The following ZDHHC14 variants were observed in gnomAD, a reference collection of about 807,000 sequenced individuals.
ZDHHC14 encodes palmitoyltransferase ZDHHC14.
Under a neutral mutation model 47.7 loss-of-function variants are expected in ZDHHC14, and 16 were observed. The ratio of observed to expected loss-of-function variants is 0.34; its 90% CI spans 0.23 to 0.51. The LOEUF is 0.51. ZDHHC14 is among the 20% of genes least tolerant of loss of function. The pLI is 0.97. For missense variants in ZDHHC14, 515 were observed against 662.5 expected (o/e 0.78, Z 2.44); for synonymous variants, 293 against 278.9 (o/e 1.05, Z -0.50).
At chr6:157,660,615 C>T (rs1778309214) in intron 8 of ZDHHC14, among the ~76,000 whole-genome samples, 1 of 152,216 alleles carries the variant, frequency 6.6e-6, no homozygotes, top group South Asian at 2.1e-4. Flanking sequence ...CAATCTGTCG[C>T]TCCTCAGCCC....
At chr6:157,571,647 C>T (rs1442258832) in intron 2 of ZDHHC14, among the ~76,000 whole-genome samples, 1 of 152,074 alleles carries the variant, frequency 6.6e-6, no homozygotes, top group Admixed American at 6.6e-5. Context: ...GAAATGCAGC[C>T]TTGGGGTTCA....
At chr6:157,418,291 A>C (rs1481429595) in intron 1 of ZDHHC14, among the ~76,000 whole-genome samples, 3 of 149,834 alleles carry the variant, frequency 2.0e-5, no homozygotes, top group Non-Finnish European at 1.5e-5. Context: ...TGCAAATGGA[A>C]TTGCTGGGTC....
chr6:157,626,904 C>T (rs1000877229), intron 3 of ZDHHC14, among the ~76,000 whole-genome samples: 6 of 130,766 alleles, frequency 4.6e-5, no homozygotes, highest in South Asian at 2.9e-4. Context: ...GGGGGGGCGG[C>T]GGGGGCAGCA....
chr6:157,475,202 G>C (rs1779451898), intron 1 of ZDHHC14, among the ~76,000 whole-genome samples: 2 of 152,008 alleles, frequency 1.3e-5, no homozygotes, highest in Admixed American at 1.3e-4. Flanking sequence ...GTGTGTGTTT[G>C]TTTCTGGGCT....
intron 1 of ZDHHC14, among the ~76,000 whole-genome samples, chr6:157,496,692 A>G (rs375324049): frequency 3.0e-4 from 46 of 152,290 alleles, no homozygotes; most frequent in African/African-American, 9.6e-4. Flanking sequence ...ACCCTCCCCT[A>G]CAGTTTAAGA....
Position 157,645,847 on chromosome 6 carries a change from C to G in ZDHHC14, c.855+8C>G. 1.2e-6 allele frequency: 2 copies of G among 1,612,700 alleles called. No individual in the cohort carries two copies. Among genetic ancestry groups the G allele is most frequent in the Middle Eastern group, 1.7e-4 (1 of 6,058 alleles). ...CAGACAACAAATGAGGACGTAAGTT[C>G]CTGACCACACGGGACACGGGCGTGT... On this transcript the variant is annotated splice_region_variant and intron_variant, in intron 6 of 8. Coordinates refer to ENST00000359775, the MANE Select transcript of ZDHHC14 (RefSeq NM_024630.3).
intron 8 of ZDHHC14, among the ~76,000 whole-genome samples, chr6:157,659,856 G>A (rs1466537075): frequency 6.6e-6 from 1 of 152,142 alleles, no homozygotes; most frequent in African/African-American, 2.4e-5. Flanking sequence ...TAGACAGATG[G>A]GAAAACAAAT....
intron 1 of ZDHHC14, among the ~76,000 whole-genome samples, chr6:157,383,192 T>C (rs925625664): frequency 7.2e-5 from 11 of 152,238 alleles, no homozygotes; most frequent in African/African-American, 2.7e-4. Context: ...CCAATCAATT[T>C]TGGTTGCTTT....
intron 1 of ZDHHC14, among the ~76,000 whole-genome samples, chr6:157,384,912 G>C (rs1777281652): frequency 6.6e-6 from 1 of 152,106 alleles, no homozygotes. Flanking sequence ...TATTTTGATT[G>C]TTTAATTTCA....
chr6:157,485,737 G>T (rs1779762331), intron 1 of ZDHHC14, among the ~76,000 whole-genome samples: 1 of 150,868 alleles, frequency 6.6e-6, no homozygotes, highest in Non-Finnish European at 1.5e-5. Context: ...AAGGCCGGGT[G>T]CAGTGGCTCA....
chr6:157,493,249 C>T (rs201544774), intron 1 of ZDHHC14, among the ~76,000 whole-genome samples: 11 of 152,184 alleles, frequency 7.2e-5, no homozygotes, highest in East Asian at 1.9e-4. Flanking sequence ...AAGGGGGAGG[C>T]GGAAAGGCAA....
intron 7 of ZDHHC14, among the ~76,000 whole-genome samples, chr6:157,652,635 A>G (rs533603469): frequency 6.6e-6 from 1 of 152,324 alleles, no homozygotes; most frequent in South Asian, 2.1e-4. Flanking sequence ...CTACTCAGAA[A>G]CTTGTCTGTG....
chr6:157,545,405 A>G (rs915614312), intron 2 of ZDHHC14, among the ~76,000 whole-genome samples: 15 of 151,952 alleles, frequency 9.9e-5, no homozygotes, highest in Non-Finnish European at 1.9e-4. Context: ...GGCCGGGCGC[A>G]GTGGCTCACG....
rs551690762 is a variant in ZDHHC14 at position 157,502,777 on chromosome 6, G to A, written c.246-39808G>A. Among the ~76,000 whole-genome samples the A allele has an allele frequency of 5.9e-5, 9 of 152,226 alleles. No individual in the cohort carries two copies. Among genetic ancestry groups the A allele is most frequent in the Admixed American group, 2.0e-4 (3 of 15,294 alleles). ...ATGATCTTGGCTCACTGCAACCTCC[G>A]CCTCCCAGGTTCAAGCGATTCTCCT... is the stretch of plus-strand genomic sequence containing the variant. On this transcript the variant is annotated intron_variant, in intron 1 of 8. Coordinates refer to ENST00000359775, the MANE Select transcript of ZDHHC14 (RefSeq NM_024630.3). The surrounding 1 kb of genome is among the most constrained non-coding windows in gnomAD (Gnocchi z 4.0).
intron 1 of ZDHHC14, among the ~76,000 whole-genome samples, chr6:157,503,912 T>A (rs1780250113): frequency 6.6e-6 from 1 of 152,068 alleles, no homozygotes; most frequent in Non-Finnish European, 1.5e-5. Context: ...GATAAAAAAT[T>A]GGTATTATCT....
intron 5 of ZDHHC14, among the ~76,000 whole-genome samples, chr6:157,639,050 G>A (rs1171434938): frequency 1.3e-5 from 2 of 152,268 alleles, no homozygotes; most frequent in African/African-American, 2.4e-5. Context: ...CGCTTTGGCT[G>A]AGCATCAAAA....
chr6:157,601,704 A>G (rs1052068966), intron 3 of ZDHHC14, among the ~76,000 whole-genome samples: 5 of 152,218 alleles, frequency 3.3e-5, no homozygotes, highest in Non-Finnish European at 7.3e-5. Context: ...GCACTATTTG[A>G]TATTATGAGG....
intron 1 of ZDHHC14, among the ~76,000 whole-genome samples, chr6:157,458,835 G>A (rs1778989688): frequency 8.4e-6 from 1 of 119,720 alleles, no homozygotes; most frequent in South Asian, 3.0e-4. Context: ...ACAGGTACTA[G>A]CAAATGTGGG....
intron 1 of ZDHHC14, among the ~76,000 whole-genome samples, chr6:157,408,372 G>T (rs1012986331): frequency 6.6e-6 from 1 of 151,974 alleles, no homozygotes; most frequent in Non-Finnish European, 1.5e-5. Flanking sequence ...AACGTGTGCC[G>T]TGGTGGTTTG....
Sources: gnomAD v4.1 joint callset for allele counts (sites outside exome capture counted in the v4.1 genomes callset) on GRCh38, gnomAD v4.1.1 for gene constraint, Gnocchi (gnomAD v3.1) non-coding constraint, MANE v1.5 for transcripts, NCBI Gene and HGNC (gene_info 2026-07-23, HGNC 2026-07-21) for gene names.